Variants in PDE8A observed in about 807,000 individuals in gnomAD.
The protein encoded by PDE8A is phosphodiesterase 8A.
Under a neutral mutation model 105.0 loss-of-function variants are expected in PDE8A, and 59 were observed. That is an observed-to-expected ratio of 0.56 (90% confidence interval 0.46 to 0.70). PDE8A has a LOEUF of 0.70. Among genes scored for constraint, PDE8A ranks in the 30% least tolerant of loss-of-function variants. The probability of loss-of-function intolerance (pLI) is 0.00; values close to 1 mark genes in which losing one functional copy is unlikely to be tolerated. For missense variants in PDE8A, 1,014 were observed against 1,045.9 expected (o/e 0.97, Z 0.42); for synonymous variants, 355 against 371.9 (o/e 0.95, Z 0.52).
intron 1 of PDE8A, among the ~76,000 whole-genome samples, chr15:85,031,733 G>A (rs2080618241): frequency 6.6e-6 from 1 of 152,068 alleles, no homozygotes; most frequent in South Asian, 2.1e-4. Flanking sequence ...GATGTTCTGT[G>A]GTACATAGTA....
At chr15:85,077,091 A>G (rs1480264994) in intron 5 of PDE8A, among the ~76,000 whole-genome samples, 1 of 152,182 alleles carries the variant, frequency 6.6e-6, no homozygotes, top group African/African-American at 2.4e-5. Flanking sequence ...TCTAATCTAT[A>G]ATAGTTCATA....
intron 1 of PDE8A, among the ~76,000 whole-genome samples, chr15:85,033,712 A>AC (rs2080654788): frequency 6.6e-6 from 1 of 152,044 alleles, no homozygotes; most frequent in African/African-American, 2.4e-5. Flanking sequence ...TAAAAATACA[A>AC]AAATTAGCTG....
At chr15:85,102,316 G>T (rs1261012349) in intron 11 of PDE8A, among the ~76,000 whole-genome samples, 1 of 152,060 alleles carries the variant, frequency 6.6e-6, no homozygotes, top group Admixed American at 6.5e-5. Context: ...GAGGGAGGGG[G>T]ATATGGAGCC....
chr15:85,072,835 G>A lies in PDE8A; in HGVS notation c.435-3027G>A, dbSNP rs932211280. On this transcript the variant is annotated intron_variant, in intron 3 of 21. Transcript: ENST00000394553. ...CTTTTAAGACTTTCCCAGTGAGGCC[G>A]GGCTTGGTGGCTCACACCTCTAATC... 4.6e-5 allele frequency among the ~76,000 whole-genome samples: 7 copies of A among 152,184 alleles called. No individual in the cohort carries two copies. In the East Asian group the frequency reaches 9.6e-4, roughly 21 times the overall value.
intron 8 of PDE8A, among the ~76,000 whole-genome samples, chr15:85,094,385 C>T (rs751546580): frequency 1.3e-4 from 20 of 152,192 alleles, no homozygotes; most frequent in Non-Finnish European, 2.5e-4. Context: ...CCATTTCCTC[C>T]CAGATTTACC....
At chr15:85,098,057 C>T (rs1331913520) in intron 9 of PDE8A, 21 bp downstream of exon 9, 1 of 1,282,552 alleles carries the variant, frequency 7.8e-7, no homozygotes, top group Admixed American at 1.7e-5. Context: ...AAAACAAGTA[C>T]ATCAATCAAC....
intron 6 of PDE8A, among the ~76,000 whole-genome samples, chr15:85,085,250 G>A (rs1465926125): frequency 2.0e-5 from 3 of 152,098 alleles, no homozygotes; most frequent in African/African-American, 7.2e-5. Flanking sequence ...AAATTATGAT[G>A]TCCATTATAC....
At chr15:85,057,508 C>G (rs951915217) in intron 1 of PDE8A, among the ~76,000 whole-genome samples, 3 of 152,208 alleles carry the variant, frequency 2.0e-5, no homozygotes. Context: ...ATGCCCCTCC[C>G]TGCTCTGGCT....
intron 1 of PDE8A, among the ~76,000 whole-genome samples, chr15:85,058,744 A>C (rs1456204709): frequency 6.6e-6 from 1 of 152,116 alleles, no homozygotes; most frequent in African/African-American, 2.4e-5. Context: ...AATTGGTAGC[A>C]ATGTCCCTAC....
chr15:85,108,991 A>G, intron 11 of PDE8A, 62 bp from the exon 12 acceptor site: 1 of 1,177,222 alleles, frequency 8.5e-7, no homozygotes, highest in South Asian at 1.4e-5. Flanking sequence ...TTAGATTGGT[A>G]ACCTTCCTTA....
chr15:85,071,858 C>T (rs548394902), intron 3 of PDE8A, among the ~76,000 whole-genome samples: 67 of 152,162 alleles, frequency 4.4e-4, no homozygotes, highest in South Asian at 4.2e-4. Context: ...AAAGAACAGC[C>T]CTGAAGACTA....
At chr15:85,015,943 C>G (rs1013092173) in intron 1 of PDE8A, among the ~76,000 whole-genome samples, 2 of 152,242 alleles carry the variant, frequency 1.3e-5, no homozygotes, top group African/African-American at 4.8e-5. Context: ...GGAGACCAGC[C>G]TGGCCAACAT....
At chr15:85,045,377 G>C (rs117200373) in intron 1 of PDE8A, among the ~76,000 whole-genome samples, 47 of 152,210 alleles carry the variant, frequency 3.1e-4, no homozygotes, top group Non-Finnish European at 6.2e-4. Flanking sequence ...GGTTATTTTA[G>C]ACTTTTCCTA....
intron 11 of PDE8A, among the ~76,000 whole-genome samples, chr15:85,107,793 C>T (rs980434321): frequency 5.3e-5 from 8 of 152,004 alleles, no homozygotes; most frequent in Admixed American, 1.3e-4. Flanking sequence ...GGAGAGAGGC[C>T]TGGGGTAAGA....
At chr15:85,084,154 A>G (rs747813307) in intron 6 of PDE8A, among the ~76,000 whole-genome samples, 24 of 152,288 alleles carry the variant, frequency 1.6e-4, no homozygotes, top group South Asian at 6.2e-4. Flanking sequence ...CAAAAGAAAA[A>G]TAAAGTCAGC....
At chr15:84,999,118 A>ATTT (rs1482458329) in intron 1 of PDE8A, among the ~76,000 whole-genome samples, 1 of 113,706 alleles carries the variant, frequency 8.8e-6, no homozygotes, top group Non-Finnish European at 1.9e-5. Flanking sequence ...GATAGGTCAC[A>ATTT]TTCTTTTTTT....
intron 11 of PDE8A, among the ~76,000 whole-genome samples, chr15:85,108,396 G>T (rs1429557028): frequency 1.3e-5 from 2 of 152,180 alleles, no homozygotes; most frequent in East Asian, 3.9e-4. Context: ...GTGAAATGGG[G>T]ATGCATGGTA....
chr15:85,097,403 A>C (rs1299562859), intron 8 of PDE8A, among the ~76,000 whole-genome samples: 1 of 152,024 alleles, frequency 6.6e-6, no homozygotes, highest in African/African-American at 2.4e-5. Context: ...CTGGGTTTTG[A>C]GGTCTCGTCG....
intron 1 of PDE8A, among the ~76,000 whole-genome samples, chr15:85,005,230 T>C (rs2080127401): frequency 2.6e-5 from 4 of 152,144 alleles, no homozygotes; most frequent in Admixed American, 2.6e-4. Context: ...TCCTCTCACC[T>C]CAGCCCCCTG....
Sources: gnomAD v4.1 joint callset for allele counts (sites outside exome capture counted in the v4.1 genomes callset) on GRCh38, gnomAD v4.1.1 for gene constraint, MANE v1.5 for transcripts, NCBI Gene and HGNC (gene_info 2026-07-23, HGNC 2026-07-21) for gene names.